Variants in GPALPP1 observed in about 807,000 individuals in gnomAD.
The protein encoded by GPALPP1 is GPALPP motifs containing 1.
A neutral mutation model predicts 38.9 loss-of-function variants in GPALPP1; 30 were observed. That is an observed-to-expected ratio of 0.77 (90% CI 0.58 to 1.05). The LOEUF (loss-of-function observed/expected upper bound fraction) is 1.05. Ranked by LOEUF, GPALPP1 falls within the 50% of genes least tolerant of loss-of-function variation. The probability of loss-of-function intolerance (pLI) is 0.00; values close to 1 mark genes in which losing one functional copy is unlikely to be tolerated. For missense variants in GPALPP1, 384 were observed against 408.8 expected (o/e 0.94, Z 0.52); for synonymous variants, 120 against 139.2 (o/e 0.86, Z 0.97).
Position 45,015,594 on chromosome 13 carries a change from A to G in GPALPP1, c.703A>G (p.Lys235Glu). 2 of 1,496,898 alleles carry G rather than the reference A, an allele frequency of 1.3e-6. No homozygotes were observed. The highest frequency in any genetic ancestry group is 1.8e-6 in the Non-Finnish European group (2 of 1,121,038). 92.7% of individuals were successfully genotyped at this position (1,496,898 alleles called of 1,614,324 possible). The change falls in exon 6 of 8, where the codon AAG becomes GAG. Residue 235 changes from lysine (K) to glutamate (E), a missense_variant and splice_region_variant. Transcript: ENST00000379151. ...DTPADRERKA[K>E]ETQEARKSSS... Reference sequence around the variant, plus strand: ...TCCAGCTGATAGGGAAAGGAAAGCTAAGGTGAGAGGTTTTGTTTGTTTGTT... The same window carrying G: ...TCCAGCTGATAGGGAAAGGAAAGCTGAGGTGAGAGGTTTTGTTTGTTTGTT...
At chr13:45,007,751 G>A (rs1874199070) in intron 3 of GPALPP1, among the ~76,000 whole-genome samples, 1 of 152,188 alleles carries the variant, frequency 6.6e-6, no homozygotes, top group Non-Finnish European at 1.5e-5. Flanking sequence ...GTGCAACCTG[G>A]AAATTTTAGC....
At chr13:45,015,123 T>A in intron 5 of GPALPP1, 40 bp downstream of exon 5, 3 of 1,293,286 alleles carry the variant, frequency 2.3e-6, no homozygotes, top group Non-Finnish European at 3.2e-6. Flanking sequence ...ACTAAATAGA[T>A]TAAAAATCTA....
intron 7 of GPALPP1, among the ~76,000 whole-genome samples, chr13:45,021,611 C>T (rs1875434226): frequency 6.7e-6 from 1 of 150,254 alleles, no homozygotes; most frequent in Admixed American, 6.6e-5. Context: ...ATCTGGATGG[C>T]AGAGTGAGAC....
At chr13:45,014,369 G>A (rs1874684227) in intron 4 of GPALPP1, among the ~76,000 whole-genome samples, 1 of 152,080 alleles carries the variant, frequency 6.6e-6, no homozygotes, top group African/African-American at 2.4e-5. Flanking sequence ...ATCACTAACA[G>A]TTGAGATAAA....
intron 1 of GPALPP1, among the ~76,000 whole-genome samples, chr13:45,000,848 T>C (rs1873621155): frequency 6.6e-6 from 1 of 152,248 alleles, no homozygotes; most frequent in Non-Finnish European, 1.5e-5. Flanking sequence ...CCATCCATGA[T>C]GCTTGATGTT....
intron 1 of GPALPP1, among the ~76,000 whole-genome samples, chr13:44,991,603 G>A (rs947729327): frequency 6.6e-6 from 1 of 152,020 alleles, no homozygotes; most frequent in Non-Finnish European, 1.5e-5. Context: ...AACCTAAAAC[G>A]GTTGCCAAAA....
intron 2 of GPALPP1, chr13:45,005,091 T>C (rs1440888694): frequency 5.9e-4 from 54 of 92,282 alleles, no homozygotes; most frequent in African/African-American, 3.0e-3. Context: ...GTTTTCTTTT[T>C]TTTTTTTTTT....
intron 2 of GPALPP1, 65 bp from the exon 3 acceptor site, chr13:45,006,137 T>A (rs1874080624): frequency 3.6e-6 from 3 of 833,624 alleles, no homozygotes; most frequent in Non-Finnish European, 5.8e-6. Flanking sequence ...TAAAAAAAAT[T>A]AAAATGTGCT....
At chr13:45,026,159 AT>A (rs1436598253) in intron 7 of GPALPP1, among the ~76,000 whole-genome samples, 1 of 152,098 alleles carries the variant, frequency 6.6e-6, no homozygotes, top group African/African-American at 2.4e-5. Flanking sequence ...AAAGCACTTG[AT>A]TTGCTAATCA....
Position 44,989,601 on chromosome 13 carries a change from A to G in GPALPP1, c.-54A>G, listed in dbSNP as rs960822005. On this transcript the variant is annotated 5_prime_UTR_variant, in exon 1 of 8. The change creates a new upstream start codon in the 5' untranslated region. Coordinates refer to ENST00000379151, the MANE Select transcript of GPALPP1 (RefSeq NM_018559.5). ...GCTGATCGCGGGATTCTTTTTGGATAGGGTTGACGTTCGTGGATAGACTCA... is the reference window on the plus strand; with the variant it reads ...GCTGATCGCGGGATTCTTTTTGGATGGGGTTGACGTTCGTGGATAGACTCA... 2.5e-5 allele frequency: 38 copies of G among 1,516,710 alleles called. No individual in the cohort carries two copies. The highest frequency in any genetic ancestry group is 3.5e-5 in the Admixed American group (2 of 56,908). 94.0% of individuals were successfully genotyped at this position (1,516,710 alleles called of 1,614,324 possible).
chr13:44,990,219 A>G, intron 1 of GPALPP1: 2 of 347,068 alleles, frequency 5.8e-6, no homozygotes, highest in Admixed American at 9.4e-5. Context: ...CCAGCCCCCG[A>G]CCTGCCTTCC....
chr13:45,011,491 A>G (rs1278752024), intron 4 of GPALPP1, among the ~76,000 whole-genome samples: 1 of 152,126 alleles, frequency 6.6e-6, no homozygotes, highest in African/African-American at 2.4e-5. Flanking sequence ...GGGGAAGCAA[A>G]CACGTCCATC....
rs1296512051 is a variant in GPALPP1, at chr13:44,989,583, G to A, written c.-72G>A. ...AACCTGCCATTCTTCGCTGCTGATC[G>A]CGGGATTCTTTTTGGATAGGGTTGA... On this transcript the variant is annotated 5_prime_UTR_variant, in exon 1 of 8. Coordinates refer to ENST00000379151, the MANE Select transcript of GPALPP1 (RefSeq NM_018559.5). 4.7e-6 allele frequency: 7 copies of A among 1,500,842 alleles called. No homozygotes were observed. Among genetic ancestry groups the A allele is most frequent in the South Asian group, 1.1e-5 (1 of 87,886 alleles). 93.0% of individuals were successfully genotyped at this position (1,500,842 alleles called of 1,614,324 possible).
intron 4 of GPALPP1, among the ~76,000 whole-genome samples, chr13:45,014,070 A>G (rs73181516): frequency 0.053 from 8,147 of 152,282 alleles, 288 homozygotes; most frequent in South Asian, 0.075. Flanking sequence ...TCATCCTACC[A>G]GGACATGCTG....
chr13:45,012,485 T>C (rs1031483669), intron 4 of GPALPP1, among the ~76,000 whole-genome samples: 2 of 152,212 alleles, frequency 1.3e-5, no homozygotes, highest in Non-Finnish European at 2.9e-5. Context: ...TTAGCACTTT[T>C]ATATAGGTTC....
chr13:45,012,432 G>A (rs1435612768), intron 4 of GPALPP1, among the ~76,000 whole-genome samples: 1 of 152,060 alleles, frequency 6.6e-6, no homozygotes, highest in East Asian at 1.9e-4. Flanking sequence ...CCACTCAGTT[G>A]GTAAATCTGA....
At chr13:45,035,056 A>T (rs1476865170), downstream of GPALPP1, 1 of 145,954 alleles carries the variant, frequency 6.9e-6, no homozygotes, top group African/African-American at 2.6e-5. Context: ...TCTCGGGTTC[A>T]CGCCATTCTC....
chr13:45,015,358 G>A (rs889048360), intron 5 of GPALPP1, 74 bp from the exon 6 acceptor site: 7 of 858,602 alleles, frequency 8.2e-6, no homozygotes, highest in Non-Finnish European at 1.2e-5. Flanking sequence ...TGACACAGTT[G>A]CTTGTACATA....
chr13:45,032,597 G>T (rs902769317), downstream of GPALPP1, among the ~76,000 whole-genome samples: 1 of 151,344 alleles, frequency 6.6e-6, no homozygotes, highest in African/African-American at 2.4e-5. Context: ...GTAGAGACGG[G>T]GTTTCACCAT....
Sources: allele counts gnomAD v4.1 joint callset (sites outside exome capture counted in the v4.1 genomes callset), GRCh38; gene constraint gnomAD v4.1.1; transcripts MANE v1.5; gene names NCBI Gene and HGNC (gene_info 2026-07-23, HGNC 2026-07-21).